Variants in PRKCQ observed in about 807,000 individuals in gnomAD.
The protein encoded by PRKCQ is protein kinase C theta type.
PRKCQ carries 41 observed loss-of-function variants against 91.2 expected under a neutral mutation model. That is an observed-to-expected ratio of 0.45 (90% CI 0.35 to 0.58). The LOEUF is 0.58. Ranked by LOEUF, PRKCQ falls within the 20% of genes least tolerant of loss-of-function variation. The probability of loss-of-function intolerance (pLI) is 0.00; values close to 1 mark genes in which losing one functional copy is unlikely to be tolerated. For missense variants in PRKCQ, 673 were observed against 896.5 expected (o/e 0.75, Z 3.18); for synonymous variants, 307 against 316.9 (o/e 0.97, Z 0.33).
chr10:6,409,871 C>T, the PRKCQ span, among the ~76,000 whole-genome samples: 5 of 152,152 alleles, frequency 3.3e-5, no homozygotes. Context: ...CATGCAGTTA[C>T]TCCAATGCCA....
At chr10:6,573,478 G>T (rs964542489) in intron 1 of PRKCQ, among the ~76,000 whole-genome samples, 2 of 152,154 alleles carry the variant, frequency 1.3e-5, no homozygotes, top group Admixed American at 1.3e-4. Context: ...TCCGAATCAG[G>T]ACTTGGTTCC....
At chr10:6,526,635 A>G (rs1392786843) in intron 1 of PRKCQ, among the ~76,000 whole-genome samples, 1 of 152,102 alleles carries the variant, frequency 6.6e-6, no homozygotes, top group African/African-American at 2.4e-5. Flanking sequence ...CGGAGCTGCC[A>G]AGCACGTTCT....
intron 4 of PRKCQ, among the ~76,000 whole-genome samples, chr10:6,500,048 T>C (rs1414621632): frequency 6.6e-6 from 1 of 152,238 alleles, no homozygotes; most frequent in Non-Finnish European, 1.5e-5. Context: ...ATACTTTGCC[T>C]AATACTTTAA....
At chr10:6,403,267 C>G in the PRKCQ span, among the ~76,000 whole-genome samples, 1 of 152,176 alleles carries the variant, frequency 6.6e-6, no homozygotes, top group African/African-American at 2.4e-5. Flanking sequence ...CTCAAGGACA[C>G]CATAGTGTGG....
chr10:6,395,944 G>A, the PRKCQ span, among the ~76,000 whole-genome samples: 4 of 152,066 alleles, frequency 2.6e-5, no homozygotes, highest in African/African-American at 7.2e-5. Flanking sequence ...CCATTGTAGC[G>A]TTCCCTCAGT....
intron 1 of PRKCQ, among the ~76,000 whole-genome samples, chr10:6,532,923 C>A (rs980843801): frequency 2.0e-5 from 3 of 152,184 alleles, no homozygotes; most frequent in African/African-American, 7.2e-5. Context: ...AAATTGCAAT[C>A]TATTCTAATT....
intron 11 of PRKCQ, among the ~76,000 whole-genome samples, chr10:6,479,767 TAAAAAAAAAA>T (rs34610362): frequency 1.3e-4 from 5 of 38,994 alleles, no homozygotes; most frequent in South Asian, 2.9e-3. Context: ...CCGTCTCGAC[TAAAAAAAAAA>T]AAAAAAAAAA....
At chr10:6,528,631 G>C (rs965759466) in intron 1 of PRKCQ, among the ~76,000 whole-genome samples, 10 of 152,182 alleles carry the variant, frequency 6.6e-5, no homozygotes, top group African/African-American at 2.2e-4. Context: ...CTTATGTGTT[G>C]GATCTCCCAC....
intron 11 of PRKCQ, among the ~76,000 whole-genome samples, chr10:6,482,901 G>A (rs1191828513): frequency 1.3e-5 from 2 of 152,070 alleles, no homozygotes; most frequent in East Asian, 3.9e-4. Context: ...CCATCCCCAT[G>A]ATTCAATCAC....
At chr10:6,534,187 AT>A (rs1194121202) in intron 1 of PRKCQ, among the ~76,000 whole-genome samples, 3 of 152,236 alleles carry the variant, frequency 2.0e-5, no homozygotes, top group African/African-American at 7.2e-5. Flanking sequence ...TCAAGGGCCA[AT>A]AAAACAAGTT....
intron 2 of PRKCQ, among the ~76,000 whole-genome samples, chr10:6,512,449 C>G (rs1424743098): frequency 1.3e-5 from 2 of 152,242 alleles, no homozygotes; most frequent in African/African-American, 4.8e-5. Context: ...TAAAGCCGCT[C>G]TGTGATTGGC....
At chr10:6,470,519 G>A (rs1030170025) in intron 12 of PRKCQ, among the ~76,000 whole-genome samples, 2 of 152,172 alleles carry the variant, frequency 1.3e-5, no homozygotes, top group Non-Finnish European at 2.9e-5. Flanking sequence ...TCGTTGCTAG[G>A]AACAACACAT....
At chr10:6,462,877 C>T (rs601512) in intron 13 of PRKCQ, among the ~76,000 whole-genome samples, 8 of 151,768 alleles carry the variant, frequency 5.3e-5, no homozygotes, top group African/African-American at 1.7e-4. Context: ...TGGTGTTGGG[C>T]GCCTGTAGCC....
rs150122041 is a variant in PRKCQ at position 6,486,472 on chromosome 10, C to T, written c.791-328G>A. 7.9e-5 allele frequency among the ~76,000 whole-genome samples: 12 copies of T among 152,288 alleles called. No homozygotes were observed. The East Asian group carries it at 1.7e-3, about 22-fold the overall frequency. ...TAGTGTTGCCATGGCAACACCCAGA[C>T]GTTACCACCCTTTTTCCAGGAACTT... On this transcript the variant is annotated intron_variant, in intron 8 of 17. Coordinates refer to ENST00000263125, the MANE Select transcript of PRKCQ (RefSeq NM_006257.5).
At chr10:6,438,162 C>T (rs1164454175) in intron 16 of PRKCQ, among the ~76,000 whole-genome samples, 1 of 152,164 alleles carries the variant, frequency 6.6e-6, no homozygotes, top group Non-Finnish European at 1.5e-5. Flanking sequence ...TTCCTTTACC[C>T]CTGGGCTGGG....
At chr10:6,470,021 T>C (rs1283078749) in intron 12 of PRKCQ, among the ~76,000 whole-genome samples, 1 of 152,174 alleles carries the variant, frequency 6.6e-6, no homozygotes, top group East Asian at 1.9e-4. Flanking sequence ...CACTCTGCAG[T>C]CATAATGAGC....
chr10:6,399,935 G>C, the PRKCQ span, among the ~76,000 whole-genome samples: 1 of 152,134 alleles, frequency 6.6e-6, no homozygotes, highest in South Asian at 2.1e-4. Context: ...GGGGGTTGGG[G>C]GGGCGGACAC....
chr10:6,445,339 G>A (rs1420984865), intron 15 of PRKCQ, among the ~76,000 whole-genome samples: 1 of 152,042 alleles, frequency 6.6e-6, no homozygotes, highest in East Asian at 1.9e-4. Flanking sequence ...AGGCAGACTT[G>A]CTAAACAAAC....
intron 8 of PRKCQ, among the ~76,000 whole-genome samples, chr10:6,490,891 G>A (rs1303276733): frequency 7.6e-6 from 1 of 131,712 alleles, no homozygotes; most frequent in Admixed American, 8.1e-5. Flanking sequence ...AGTTCTTGAG[G>A]GTTTTTTTTT....
Sources: gnomAD v4.1 joint callset for allele counts (sites outside exome capture counted in the v4.1 genomes callset) on GRCh38, gnomAD v4.1.1 for gene constraint, MANE v1.5 for transcripts, NCBI Gene and HGNC (gene_info 2026-07-23, HGNC 2026-07-21) for gene names.